CAPRIN1: variants seen among roughly 807,000 people sequenced by gnomAD.
CAPRIN1 encodes caprin-1.
A neutral mutation model predicts 100.9 loss-of-function variants in CAPRIN1; 29 were observed. That is an observed-to-expected ratio of 0.29 (90% CI 0.21 to 0.39). The LOEUF is 0.39. Among genes scored for constraint, CAPRIN1 ranks in the 10% least tolerant of loss-of-function variants. The probability of loss-of-function intolerance (pLI) is 1.00; values close to 1 mark genes in which losing one functional copy is unlikely to be tolerated. For synonymous variants in CAPRIN1, 338 were observed against 307.5 expected (o/e 1.10, Z -1.04); for missense variants, 795 against 876.7 (o/e 0.91, Z 1.18).
At chr11:34,070,963 A>C (rs770717485) in intron 2 of CAPRIN1, among the ~76,000 whole-genome samples, 1 of 151,600 alleles carries the variant, frequency 6.6e-6, no homozygotes, top group Admixed American at 6.6e-5. Flanking sequence ...TGGCCTCCCA[A>C]AGTGCTGGGA....
intron 18 of CAPRIN1, chr11:34,098,846 T>C: frequency 1.0e-6 from 1 of 986,320 alleles, no homozygotes; most frequent in Non-Finnish European, 1.2e-6. Context: ...TTTTAACAGT[T>C]TAGGTAATAA....
intron 2 of CAPRIN1, among the ~76,000 whole-genome samples, chr11:34,057,626 T>G (rs1850479599): frequency 6.6e-6 from 1 of 152,220 alleles, no homozygotes; most frequent in South Asian, 2.1e-4. Flanking sequence ...AAAGTGTTAA[T>G]TTTTGCAATA....
chr11:34,081,950 T>C (rs913035557), intron 7 of CAPRIN1, among the ~76,000 whole-genome samples: 3 of 151,846 alleles, frequency 2.0e-5, no homozygotes, highest in African/African-American at 7.3e-5. Context: ...TAGCTGGTAT[T>C]ACAGGCACAC....
Position 34,052,494 on chromosome 11 carries a change from G to T in CAPRIN1, c.74G>T (p.Gly25Val), listed in dbSNP as rs766081668. The T allele has an allele frequency of 6.2e-7, 1 of 1,606,574 alleles. No homozygotes were observed. The highest frequency in any genetic ancestry group is 1.7e-5 in the Admixed American group (1 of 59,378). Residue 25 changes from glycine to valine, a missense_variant, in exon 2 of 19, where the codon GGG becomes GTG. Gly to Val is a moderately radical substitution (Grantham distance 109). Transcript: ENST00000341394. ...CCGCCACCGCCGTCGGGTTCCTCCG[G>T]GAGTGAGGCGGCCGCGGGAGCCGGG... is the stretch of plus-strand genomic sequence containing the variant. ...SGPPPPSGSS[G>V]SEAAAGAGAA...
At chr11:34,072,435 A>T (rs917781493) in intron 4 of CAPRIN1, among the ~76,000 whole-genome samples, 3 of 152,238 alleles carry the variant, frequency 2.0e-5, no homozygotes, top group African/African-American at 7.2e-5. Context: ...TAGCTCTGCA[A>T]ATACATAAAA....
chr11:34,095,245 T>C (rs1274083986), intron 15 of CAPRIN1, among the ~76,000 whole-genome samples: 2 of 56 alleles, frequency 0.036, no homozygotes, highest in East Asian at 0.25. Context: ...AAAGCTGTTA[T>C]TGATAAAATG....
At chr11:34,097,391 G>T (rs887867697) in intron 17 of CAPRIN1, 95 bp downstream of exon 17, 2 of 1,065,872 alleles carry the variant, frequency 1.9e-6, no homozygotes, top group Non-Finnish European at 2.9e-6. Context: ...AACTAATTTG[G>T]CGTTAACTTT....
At chr11:34,089,119 A>G (rs961541778) in intron 11 of CAPRIN1, among the ~76,000 whole-genome samples, 7 of 151,292 alleles carry the variant, frequency 4.6e-5, no homozygotes, top group Non-Finnish European at 1.0e-4. Flanking sequence ...AAATACAAAT[A>G]TTATCCGAGT....
chr11:34,084,539 C>T (rs887935517), intron 9 of CAPRIN1, among the ~76,000 whole-genome samples: 4 of 152,118 alleles, frequency 2.6e-5, no homozygotes, highest in African/African-American at 7.2e-5. Context: ...TCCCACACAC[C>T]GAAGTCTGCT....
chr11:34,096,212 A>G (rs1851364857), intron 15 of CAPRIN1: 1 of 279,174 alleles, frequency 3.6e-6, no homozygotes, highest in East Asian at 6.9e-5. Flanking sequence ...AGCCTTTCAA[A>G]TAATTTGTTT....
chr11:34,090,321 A>C, intron 13 of CAPRIN1, 32 bp downstream of exon 13: 1 of 1,421,870 alleles, frequency 7.0e-7, no homozygotes, highest in South Asian at 1.2e-5. Context: ...CATACATTTG[A>C]TGAGGCACTT....
At chr11:34,067,300 G>A (rs1397848536) in intron 2 of CAPRIN1, among the ~76,000 whole-genome samples, 4 of 152,082 alleles carry the variant, frequency 2.6e-5, no homozygotes, top group Admixed American at 1.3e-4. Flanking sequence ...ACTGTGGTCT[G>A]CTCTTTGAAA....
chr11:34,062,774 T>C (rs1057265397), intron 2 of CAPRIN1, among the ~76,000 whole-genome samples: 11 of 152,288 alleles, frequency 7.2e-5, no homozygotes, highest in African/African-American at 2.6e-4. Context: ...TCTTAACTAC[T>C]TTGGTTATTT....
chr11:34,052,850 G>T (rs1850356786), intron 2 of CAPRIN1: 1 of 1,433,786 alleles, frequency 7.0e-7, no homozygotes, highest in Non-Finnish European at 9.1e-7. Context: ...CACCTGACTC[G>T]GACGCGGCAC....
Position 34,052,545 on chromosome 11 carries a change from C to G in CAPRIN1, c.125C>G (p.Pro42Arg). Reference protein sequence around the residue: ...AGAAAPASQHPATGTGAVQTE... With the variant: ...AGAAAPASQHRATGTGAVQTE... ...GCCGCCGCGCCGGCTTCTCAGCACC[C>G]CGCAACCGGCACCGGCGCTGTCCAG... The change falls in exon 2 of 19, where the codon CCC (proline) becomes CGC (arginine). Residue 42 changes from proline to arginine, a missense_variant. Physicochemically the swap from Pro to Arg is moderately radical, Grantham distance 103. This residue lies in a region of CAPRIN1 where 109 missense variants were observed against 86.6 expected (regional missense o/e 1.26). Coordinates refer to ENST00000341394, the MANE Select transcript of CAPRIN1 (RefSeq NM_005898.5). The G allele has an allele frequency of 1.2e-6, 2 of 1,608,852 alleles. No homozygotes were observed. Among genetic ancestry groups the G allele is most frequent in the Non-Finnish European group, 1.7e-6 (2 of 1,178,320 alleles).
chr11:34,071,165 T>C (rs1850798055), intron 2 of CAPRIN1, among the ~76,000 whole-genome samples: 1 of 152,232 alleles, frequency 6.6e-6, no homozygotes, highest in South Asian at 2.1e-4. Context: ...CTAGTCCATC[T>C]AATACTCTTT....
intron 7 of CAPRIN1, 76 bp from the exon 8 acceptor site, chr11:34,082,749 A>G: frequency 9.9e-7 from 1 of 1,006,086 alleles, no homozygotes; most frequent in Non-Finnish European, 1.5e-6. Flanking sequence ...ACGTGTATCT[A>G]CCAATATCAC....
chr11:34,079,905 G>GCTTTTTTTTTTTTTTTTTT (rs1850980473), intron 7 of CAPRIN1, 140 bp downstream of exon 7: 2 of 316,642 alleles, frequency 6.3e-6, no homozygotes, highest in African/African-American at 5.8e-5. Context: ...GCATGACAAA[G>GCTTTTTTTTTTTTTTTTTT]TTTTTTTTTT....
Position 34,100,110 on chromosome 11 carries a change from A to C in CAPRIN1, c.*743A>C, listed in dbSNP as rs572050111. On this transcript the variant is annotated 3_prime_UTR_variant, in exon 19 of 19. Coordinates refer to ENST00000341394, the MANE Select transcript of CAPRIN1 (RefSeq NM_005898.5). Reference sequence around the variant, plus strand: ...ATCCGGATGGCCGCTTCTGTACTTAATGTGAAATATTTAGATACCTTTTTG... The same window carrying C: ...ATCCGGATGGCCGCTTCTGTACTTACTGTGAAATATTTAGATACCTTTTTG... 1 of 152,754 alleles carries C rather than the reference A, an allele frequency of 6.5e-6. No homozygotes were observed. The highest frequency in any genetic ancestry group is 6.5e-5 in the Admixed American group (1 of 15,306). 9.5% of individuals were successfully genotyped at this position (152,754 alleles called of 1,614,324 possible).
Sources: gnomAD v4.1 joint callset for allele counts (sites outside exome capture counted in the v4.1 genomes callset) on GRCh38, gnomAD v4.1.1 for gene constraint, gnomAD v4.1.1 regional missense constraint, MANE v1.5 for transcripts, NCBI Gene and HGNC (gene_info 2026-07-23, HGNC 2026-07-21) for gene names.